Variants in DBI observed in about 807,000 individuals in gnomAD.
DBI encodes acyl-CoA-binding protein.
DBI carries 12 observed loss-of-function variants against 13.0 expected under a neutral mutation model. That is an observed-to-expected ratio of 0.92 (90% CI 0.59 to 1.49). DBI has a LOEUF of 1.49. Among genes scored for constraint, DBI ranks in the 40% most tolerant of loss-of-function variants. The pLI is 0.00. For missense variants in DBI, 95 were observed against 104.8 expected, an observed-to-expected ratio of 0.91 and a Z score of 0.41; for synonymous variants, 37 against 37.4, an observed-to-expected ratio of 0.99 and a Z score of 0.04.
chr2:119,370,602 C>G, intron 2 of DBI, 138 bp from the exon 3 acceptor site: 1 of 711,584 alleles, frequency 1.4e-6, no homozygotes, highest in East Asian at 2.8e-5. Context: ...AGAACCCACT[C>G]TACTAGACCT....
intron 3 of DBI, 97 bp downstream of exon 3, chr2:119,370,899 T>C: frequency 8.5e-7 from 1 of 1,173,248 alleles, no homozygotes; most frequent in Non-Finnish European, 1.2e-6. Flanking sequence ...ACAAAGTCAA[T>C]GGGGCACGTG....
rs1181894560 is a variant in DBI at position 119,368,581 on chromosome 2, A to T, written c.127+276A>T. 3.2e-5 allele frequency: 12 copies of T among 375,114 alleles called. No homozygotes were observed. In the East Asian group the frequency reaches 6.2e-4, roughly 19 times the overall value. The allele number at this position is 375,114 out of a possible 1,614,324, so 23.2% of individuals were successfully genotyped here. A position where few individuals can be genotyped will look rare whatever the true frequency, so the allele number is the denominator to read the frequency against. On this transcript the variant is annotated intron_variant, in intron 2 of 3. Coordinates refer to ENST00000355857, the MANE Select transcript of DBI (RefSeq NM_001079862.4). ...AAGCAAAGGCTGCAGCTTGGAAAAGACTTGCTGAAGGCTCTCAGCTCAGTA... is the reference window on the plus strand; with the variant it reads ...AAGCAAAGGCTGCAGCTTGGAAAAGTCTTGCTGAAGGCTCTCAGCTCAGTA...
chr2:119,371,896 A>G (rs1470811089), intron 3 of DBI, among the ~76,000 whole-genome samples: 1 of 152,228 alleles, frequency 6.6e-6, no homozygotes, highest in Non-Finnish European at 1.5e-5. Context: ...AGTTAGCAGG[A>G]CCAGTAAAGT....
rs1410645928 is a variant in DBI, at chr2:119,372,467, AG to A, written c.*153del. The A allele has an allele frequency of 8.7e-6, 5 of 575,570 alleles. No individual in the cohort carries two copies. Among genetic ancestry groups the A allele is most frequent in the Non-Finnish European group, 9.4e-6 (3 of 319,666 alleles). 35.7% of individuals were successfully genotyped at this position (575,570 alleles called of 1,614,324 possible). Reference sequence around the variant, plus strand: ...GCTCACCATACGGCTCTAACAGATTAGGGGCTAAAACGATTACTGACTTTCC... The same window carrying A: ...GCTCACCATACGGCTCTAACAGATTAGGGCTAAAACGATTACTGACTTTCC... On this transcript the variant is annotated 3_prime_UTR_variant, in exon 4 of 4. Transcript: ENST00000355857.
intron 2 of DBI, among the ~76,000 whole-genome samples, chr2:119,369,055 G>A (rs1681316388): frequency 6.6e-6 from 1 of 152,182 alleles, no homozygotes; most frequent in African/African-American, 2.4e-5. Flanking sequence ...TGGAGCAGGT[G>A]GGCTGGCTGC....
At chr2:119,367,230 C>A (rs755888233) in intron 1 of DBI, 170 bp downstream of exon 1, 24 of 1,441,520 alleles carry the variant, frequency 1.7e-5, no homozygotes, top group Non-Finnish European at 2.0e-5. Context: ...CGGGATTTTC[C>A]GTTTGGGGAT....
intron 2 of DBI, 163 bp from the exon 3 acceptor site, chr2:119,370,577 T>C: frequency 2.1e-6 from 1 of 485,362 alleles, no homozygotes; most frequent in Non-Finnish European, 3.6e-6. Context: ...TGGCATACAT[T>C]GGTTTTCTTA....
intron 3 of DBI, 146 bp downstream of exon 3, chr2:119,370,948 C>A (rs1051584277): frequency 1.2e-5 from 8 of 660,546 alleles, no homozygotes; most frequent in African/African-American, 5.6e-5. Context: ...TGGGAAAAAA[C>A]CGGGCCACCT....
At chr2:119,372,104 C>A in intron 3 of DBI, 141 bp from the exon 4 acceptor site, 1 of 648,902 alleles carries the variant, frequency 1.5e-6, no homozygotes, top group Non-Finnish European at 2.8e-6. Flanking sequence ...GATACTGTCT[C>A]CTGTAATTAG....
intron 2 of DBI, chr2:119,370,269 C>T (rs1681416705): frequency 6.6e-6 from 1 of 152,410 alleles, no homozygotes; most frequent in African/African-American, 2.4e-5. Context: ...AATAGACTAA[C>T]AATTCGGTAG....
In DBI at chr2:119,368,288, T is replaced by C. The variant is rs780749580; in HGVS notation, c.110T>C (p.Val37Ala). 3 of 1,613,746 alleles carry C rather than the reference T, an allele frequency of 1.9e-6. No homozygotes were observed. In the Admixed American group the frequency reaches 5.0e-5, roughly 27 times the overall value. The change falls in exon 2 of 4, where the codon GTG becomes GCG. Residue 37 changes from valine (V) to alanine (A), a missense_variant. By Grantham distance (64) the Val-to-Ala change is moderately conservative. Coordinates refer to ENST00000355857, the MANE Select transcript of DBI (RefSeq NM_001079862.4). ...FIYGHYKQAT[V>A]GDINTERPGM... ...TATGGCCACTACAAACAAGCAACTG[T>C]GGGCGACATAAATACAGGTATGCAG...
chr2:119,368,360 T>C (rs2244135), intron 2 of DBI, 55 bp downstream of exon 2: 1,127,835 of 1,343,640 alleles, frequency 0.84, 474,708 homozygotes, highest in African/African-American at 0.95. Context: ...GCTCAGCAGC[T>C]CAGACTGGAA....
chr2:119,367,106 G>A, intron 1 of DBI, 46 bp downstream of exon 1: 1 of 1,611,762 alleles, frequency 6.2e-7, no homozygotes, highest in Non-Finnish European at 8.5e-7. Flanking sequence ...GCGGGCGGGA[G>A]GCCCGTTGGG....
chr2:119,367,114 G>A (rs1478617635), intron 1 of DBI, 54 bp downstream of exon 1: 1 of 1,610,420 alleles, frequency 6.2e-7, no homozygotes, highest in South Asian at 1.1e-5. Flanking sequence ...GAGGCCCGTT[G>A]GGGGCTCAGC....
chr2:119,369,652 G>T (rs1681368833), intron 2 of DBI, among the ~76,000 whole-genome samples: 1 of 152,242 alleles, frequency 6.6e-6, no homozygotes, highest in African/African-American at 2.4e-5. Context: ...TGGGCATGGT[G>T]GCATATGCCT....
At chr2:119,367,835 G>C in intron 1 of DBI, 1 of 1,613,128 alleles carries the variant, frequency 6.2e-7, no homozygotes, top group Non-Finnish European at 8.5e-7. Flanking sequence ...CCAGGCAGTT[G>C]GCCGCGCTGC....
chr2:119,370,237 A>T (rs1479629833), intron 2 of DBI: 2 of 152,300 alleles, frequency 1.3e-5, no homozygotes, highest in Admixed American at 1.3e-4. Context: ...CCCTCGGTGA[A>T]ATCTCCCACA....
At chr2:119,370,050 C>A (rs1681401847) in intron 2 of DBI, among the ~76,000 whole-genome samples, 1 of 152,144 alleles carries the variant, frequency 6.6e-6, no homozygotes, top group African/African-American at 2.4e-5. Flanking sequence ...TGAAAGCGCT[C>A]AGGGACATTT....
chr2:119,367,661 C>T (rs1323800444), intron 1 of DBI: 2 of 1,613,784 alleles, frequency 1.2e-6, no homozygotes, highest in South Asian at 1.1e-5. Context: ...GTTGAACGCG[C>T]GGGCCCCAGG....
Sources: gnomAD v4.1 joint callset for allele counts (sites outside exome capture counted in the v4.1 genomes callset) on GRCh38, gnomAD v4.1.1 for gene constraint, MANE v1.5 for transcripts, NCBI Gene and HGNC (gene_info 2026-07-23, HGNC 2026-07-21) for gene names.